Variants in SLC14A2 observed in about 807,000 individuals in gnomAD.
SLC14A2 encodes the protein urea transporter 2.
Under a neutral mutation model 104.6 loss-of-function variants are expected in SLC14A2, and 91 were observed. That is an observed-to-expected ratio of 0.87 (90% CI 0.73 to 1.04). The LOEUF is 1.04. SLC14A2 is among the 50% of genes least tolerant of loss of function. The pLI is 0.00. For synonymous variants in SLC14A2, 476 were observed against 466.4 expected (o/e 1.02, Z -0.27); for missense variants, 1,189 against 1,156.0 (o/e 1.03, Z -0.41).
At chr18:45,196,466 A>T in the SLC14A2 span, among the ~76,000 whole-genome samples, 2 of 152,256 alleles carry the variant, frequency 1.3e-5, no homozygotes. Flanking sequence ...AAGTGGCCAA[A>T]GAAATTATGC....
the SLC14A2 span, among the ~76,000 whole-genome samples, chr18:45,173,767 G>A: frequency 3.3e-5 from 5 of 152,038 alleles, no homozygotes; most frequent in Non-Finnish European, 7.4e-5. Flanking sequence ...GAAATGTATG[G>A]CTCTGTTTGC....
intron 5 of SLC14A2, chr18:45,634,774 G>T (rs752037233): frequency 8.8e-6 from 4 of 456,110 alleles, no homozygotes; most frequent in African/African-American, 4.0e-5. Context: ...TTTAGGCAGA[G>T]ATGTGATGGG....
intron 2 of SLC14A2, chr18:45,489,918 T>C (rs72912665): frequency 0.1 from 15,343 of 152,212 alleles, 940 homozygotes; most frequent in Non-Finnish European, 0.14. Flanking sequence ...TCAGCAATCC[T>C]GTGATATAGG....
chr18:45,331,151 A>G (rs1283983574), intron 1 of SLC14A2, among the ~76,000 whole-genome samples: 1 of 152,232 alleles, frequency 6.6e-6, no homozygotes, highest in African/African-American at 2.4e-5. Flanking sequence ...CAAGTACTGC[A>G]TCGATGTTCA....
At chr18:45,317,518 A>G (rs559786615) in intron 1 of SLC14A2, among the ~76,000 whole-genome samples, 2 of 152,228 alleles carry the variant, frequency 1.3e-5, no homozygotes, top group African/African-American at 4.8e-5. Context: ...CCTGTTTTAG[A>G]TGGGAAGGTC....
rs112623728 is a variant in SLC14A2 at position 45,583,958 on chromosome 18, A to T, written c.-34-40673A>T. On this transcript the variant is annotated intron_variant, in intron 2 of 20. Coordinates refer to the SLC14A2 transcript ENST00000586448. ...GGTAATCACATTAAAAATTGTAAAA[A>T]GAAAAATTTAATAATGTGTTTATTT... Among the ~76,000 whole-genome samples the T allele has an allele frequency of 8.3e-3, 1,265 of 152,378 alleles. 18 individuals are homozygous for T. The highest frequency in any genetic ancestry group is 0.029 in the African/African-American group (1,197 of 41,586).
chr18:45,288,449 T>A (rs1381672451), intron 1 of SLC14A2, among the ~76,000 whole-genome samples: 1 of 152,184 alleles, frequency 6.6e-6, no homozygotes, highest in East Asian at 1.9e-4. Flanking sequence ...GGGGTGTAGT[T>A]GACTTTCCTT....
intron 4 of SLC14A2, 75 bp from the exon 5 acceptor site, chr18:45,632,275 C>T: frequency 1.9e-6 from 3 of 1,539,820 alleles, no homozygotes; most frequent in Non-Finnish European, 2.6e-6. Context: ...TTAAGCATAT[C>T]CTCAGAGCAC....
intron 1 of SLC14A2, among the ~76,000 whole-genome samples, chr18:45,320,256 T>C (rs2085171751): frequency 6.6e-6 from 1 of 152,194 alleles, no homozygotes; most frequent in African/African-American, 2.4e-5. Flanking sequence ...GACTGGATGA[T>C]CTCTAATTTT....
chr18:45,280,700 G>A (rs1447789779), intron 1 of SLC14A2, among the ~76,000 whole-genome samples: 1 of 152,148 alleles, frequency 6.6e-6, no homozygotes, highest in Non-Finnish European at 1.5e-5. Flanking sequence ...GGAGCACTAA[G>A]CAAGCTAAGC....
chr18:45,487,617 G>A lies in SLC14A2; in HGVS notation c.-35+4295G>A, dbSNP rs571582775. 1.2e-4 allele frequency among the ~76,000 whole-genome samples: 19 copies of A among 152,228 alleles called. No individual in the cohort carries two copies. The South Asian group carries it at 3.9e-3, about 32-fold the overall frequency. ...AAGCATCAAACTCTGAGATGAAGGTGTGTGTGTTGGAAGTAAGAGGGCTTT... is the reference window on the plus strand; with the variant it reads ...AAGCATCAAACTCTGAGATGAAGGTATGTGTGTTGGAAGTAAGAGGGCTTT... On this transcript the variant is annotated intron_variant, in intron 2 of 20. Coordinates refer to the SLC14A2 transcript ENST00000586448.
intron 1 of SLC14A2, among the ~76,000 whole-genome samples, chr18:45,339,774 G>T (rs1263663666): frequency 6.6e-6 from 1 of 152,190 alleles, no homozygotes; most frequent in East Asian, 1.9e-4. Context: ...AGGCTGAGCA[G>T]GTTTGATGGC....
Position 45,667,052 on chromosome 18 carries a change from T to G in SLC14A2, c.1675T>G (p.Tyr559Asp). The change falls in exon 13 of 20, where the codon TAC becomes GAC. Residue 559 changes from tyrosine (Y) to aspartate (D), a missense_variant. Tyr to Asp is a radical substitution (Grantham distance 160, BLOSUM62 -3). Transcript: ENST00000255226. ...GAAAAGGGTCAGCAAAGCCCTCAGC[T>G]ACATCACAGGAGAGATGAAGGAGTG... The part of the protein sequence containing the change: ...SGKRVSKALS[Y>D]ITGEMKECGE... 1 of 1,613,920 alleles carries G rather than the reference T, an allele frequency of 6.2e-7. No homozygotes were observed. Among genetic ancestry groups the G allele is most frequent in the Non-Finnish European group, 8.5e-7 (1 of 1,179,842 alleles).
intron 1 of SLC14A2, among the ~76,000 whole-genome samples, chr18:45,438,748 A>G (rs927353013): frequency 3.9e-5 from 6 of 152,220 alleles, no homozygotes; most frequent in Non-Finnish European, 8.8e-5. Context: ...ATCTATATCT[A>G]TGATAGGAAA....
intron 1 of SLC14A2, among the ~76,000 whole-genome samples, chr18:45,361,377 C>T (rs1406459362): frequency 1.3e-5 from 2 of 152,076 alleles, no homozygotes; most frequent in Non-Finnish European, 2.9e-5. Context: ...GGCTTGGCAG[C>T]CCATGGACAC....
intron 15 of SLC14A2, among the ~76,000 whole-genome samples, chr18:45,668,753 C>A (rs1382366198): frequency 1.3e-5 from 2 of 152,190 alleles, no homozygotes; most frequent in African/African-American, 4.8e-5. Flanking sequence ...GAAACTGAGG[C>A]CCACATTGGT....
chr18:45,604,741 A>G (rs372077594), intron 2 of SLC14A2, among the ~76,000 whole-genome samples: 8 of 152,350 alleles, frequency 5.3e-5, no homozygotes, highest in African/African-American at 1.9e-4. Context: ...ATGTCAAGGC[A>G]CAATGCACAC....
chr18:45,416,571 T>A (rs573263788), intron 1 of SLC14A2, among the ~76,000 whole-genome samples: 14 of 152,284 alleles, frequency 9.2e-5, no homozygotes, highest in African/African-American at 3.4e-4. Flanking sequence ...GGAAGAAAAC[T>A]TTCCAGTGAT....
chr18:45,314,329 C>A lies in SLC14A2; in HGVS notation c.-125+101138C>A, dbSNP rs968891982. ...GAATCTCCATAAATAAGTAGTAAACCCCTCCTAGTTAAAATACAAAATACT... is the reference window on the plus strand; with the variant it reads ...GAATCTCCATAAATAAGTAGTAAACACCTCCTAGTTAAAATACAAAATACT... On this transcript the variant is annotated intron_variant, in intron 1 of 20. Transcript: ENST00000586448. Among the ~76,000 whole-genome samples the A allele has an allele frequency of 2.6e-5, 4 of 152,224 alleles. No individual in the cohort carries two copies. The East Asian group carries it at 7.7e-4, about 29-fold the overall frequency.
Sources: allele counts gnomAD v4.1 joint callset (sites outside exome capture counted in the v4.1 genomes callset), GRCh38; gene constraint gnomAD v4.1.1; transcripts MANE v1.5; gene names NCBI Gene and HGNC (gene_info 2026-07-23, HGNC 2026-07-21).